The following RHOU variants were observed in gnomAD, a reference collection of about 807,000 sequenced individuals.
RHOU encodes the protein ras homolog family member U, also known as rho-related GTP-binding protein RhoU.
Under a neutral mutation model 12.6 loss-of-function variants are expected in RHOU, and 8 were observed. That is an observed-to-expected ratio of 0.64 (90% confidence interval 0.37 to 1.15). RHOU has a LOEUF of 1.15. RHOU is among the 50% of genes most tolerant of loss of function. The pLI, the probability that RHOU is intolerant of heterozygous loss-of-function variation, is 0.01. For synonymous variants in RHOU, 161 were observed against 147.4 expected (o/e 1.09, Z -0.67); for missense variants, 258 against 347.0 (o/e 0.74, Z 2.04).
chr1:228,653,208 G>T, the RHOU span, among the ~76,000 whole-genome samples: 2 of 152,296 alleles, frequency 1.3e-5, no homozygotes, highest in Admixed American at 6.5e-5. Flanking sequence ...GGAGTGCGTG[G>T]CACGATCGTG....
chr1:228,660,369 C>G, the RHOU span, among the ~76,000 whole-genome samples: 5 of 150,206 alleles, frequency 3.3e-5, no homozygotes, highest in South Asian at 2.1e-4. Flanking sequence ...AAAAAAAAAG[C>G]CTTGGACTTG....
the RHOU span, among the ~76,000 whole-genome samples, chr1:228,652,768 T>C: frequency 6.6e-6 from 1 of 152,234 alleles, no homozygotes; most frequent in Non-Finnish European, 1.5e-5. Context: ...TAACTAATAA[T>C]GTTTTCATGA....
the RHOU span, among the ~76,000 whole-genome samples, chr1:228,657,112 C>T: frequency 0.013 from 1,910 of 151,684 alleles, 18 homozygotes; most frequent in Middle Eastern, 0.037. Flanking sequence ...CCTGTCTCTA[C>T]TAAAAATACA....
At chr1:228,732,403 C>T (rs75642493), upstream of RHOU, among the ~76,000 whole-genome samples, 43 of 152,210 alleles carry the variant, frequency 2.8e-4, 2 homozygotes, top group East Asian at 6.6e-3. Context: ...CTGATTAAGT[C>T]GAGCCCAGAA....
At chr1:228,741,151 C>T (rs1662714786) in intron 2 of RHOU, among the ~76,000 whole-genome samples, 1 of 152,122 alleles carries the variant, frequency 6.6e-6, no homozygotes, top group South Asian at 2.1e-4. Context: ...AGTCTCGTCT[C>T]TCTGCCCCGC....
the RHOU span, chr1:228,650,922 G>A: frequency 2.7e-6 from 1 of 370,732 alleles, no homozygotes; most frequent in Non-Finnish European, 5.3e-6. Context: ...GTGGAAGAAG[G>A]CCACATGGCT....
chr1:228,665,582 G>C, the RHOU span, among the ~76,000 whole-genome samples: 1 of 152,204 alleles, frequency 6.6e-6, no homozygotes, highest in Non-Finnish European at 1.5e-5. Flanking sequence ...AGTGGGGACA[G>C]TAATATATCT....
chr1:228,647,413 G>A, the RHOU span, among the ~76,000 whole-genome samples: 6 of 152,324 alleles, frequency 3.9e-5, no homozygotes, highest in Non-Finnish European at 7.4e-5. Flanking sequence ...CCTCGGTACT[G>A]GAGTTGACAC....
chr1:228,709,169 G>A, the RHOU span, among the ~76,000 whole-genome samples: 1 of 152,068 alleles, frequency 6.6e-6, no homozygotes, highest in East Asian at 1.9e-4. Context: ...CAAGTCCTGA[G>A]TGACCTATAA....
At chr1:228,687,708 G>A in the RHOU span, 1 of 1,475,464 alleles carries the variant, frequency 6.8e-7, no homozygotes, top group Non-Finnish European at 9.4e-7. Context: ...GCAGGTGAAA[G>A]CCATCAAAGA....
At chr1:228,673,904 G>A in the RHOU span, among the ~76,000 whole-genome samples, 5 of 152,196 alleles carry the variant, frequency 3.3e-5, no homozygotes, top group African/African-American at 9.7e-5. Context: ...AGCGTATCTA[G>A]TGCTACAGTT....
At chr1:228,741,785 G>A (rs1040849817) in intron 2 of RHOU, among the ~76,000 whole-genome samples, 1 of 152,134 alleles carries the variant, frequency 6.6e-6, no homozygotes, top group Non-Finnish European at 1.5e-5. Flanking sequence ...TGTGACTATA[G>A]GCACGTGCCA....
intron 2 of RHOU, among the ~76,000 whole-genome samples, chr1:228,739,902 AGGTGGTG>A: frequency 6.6e-6 from 1 of 152,356 alleles, no homozygotes; most frequent in East Asian, 1.9e-4. Context: ...GAGAAGGACC[AGGTGGTG>A]GGGGTATAAA....
the RHOU span, among the ~76,000 whole-genome samples, chr1:228,676,130 C>T: frequency 0.019 from 2,834 of 148,052 alleles, 141 homozygotes; most frequent in East Asian, 0.17. Context: ...CTGCTGTAAC[C>T]GCCCCCCCCC....
the RHOU span, among the ~76,000 whole-genome samples, chr1:228,662,236 T>G: frequency 2.0e-5 from 3 of 152,108 alleles, no homozygotes; most frequent in African/African-American, 7.2e-5. Flanking sequence ...TTGGTGGGAG[T>G]GTAAACTAGC....
chr1:228,731,538 C>T (rs757644323), upstream of RHOU, among the ~76,000 whole-genome samples: 1 of 151,960 alleles, frequency 6.6e-6, no homozygotes, highest in Admixed American at 6.6e-5. Context: ...CAAGTTTTGT[C>T]GGGCCTGAAG....
chr1:228,733,473 A>AT (rs996735951), upstream of RHOU, among the ~76,000 whole-genome samples: 5 of 152,090 alleles, frequency 3.3e-5, no homozygotes, highest in Admixed American at 1.3e-4. Flanking sequence ...CACCTGGCTA[A>AT]TTTTTTTATT....
the RHOU span, among the ~76,000 whole-genome samples, chr1:228,715,835 T>TC: frequency 6.6e-6 from 1 of 151,966 alleles, no homozygotes; most frequent in African/African-American, 2.4e-5. Flanking sequence ...GTGGTGGATT[T>TC]TTTTTTGCAT....
the RHOU span, among the ~76,000 whole-genome samples, chr1:228,699,079 T>C: frequency 5.2e-3 from 781 of 150,688 alleles, 20 homozygotes; most frequent in Admixed American, 0.04. Context: ...CGGTGGGCTA[T>C]GAAAAGTTTT....
Sources: allele counts gnomAD v4.1 joint callset (sites outside exome capture counted in the v4.1 genomes callset), GRCh38; gene constraint gnomAD v4.1.1; transcripts MANE v1.5; gene names NCBI Gene and HGNC (gene_info 2026-07-23, HGNC 2026-07-21).